The following DNAJC18 variants were observed in gnomAD, a reference collection of about 807,000 sequenced individuals.
The protein encoded by DNAJC18 is DnaJ heat shock protein family (Hsp40) member C18.
Under a neutral mutation model 48.6 loss-of-function variants are expected in DNAJC18, and 40 were observed. The ratio of observed to expected loss-of-function variants is 0.82; its 90% CI spans 0.64 to 1.07. DNAJC18 has a LOEUF of 1.07. Ranked by LOEUF, DNAJC18 falls within the 50% of genes least tolerant of loss-of-function variation. DNAJC18 has a pLI of 0.00. For missense variants in DNAJC18, 340 were observed against 427.7 expected (o/e 0.79, Z 1.81); for synonymous variants, 135 against 152.2 (o/e 0.89, Z 0.83).
chr5:139,437,060 T>G (rs1180672648), intron 2 of DNAJC18, among the ~76,000 whole-genome samples: 1 of 152,224 alleles, frequency 6.6e-6, no homozygotes, highest in Non-Finnish European at 1.5e-5. Context: ...TAAGATATGG[T>G]CTATCCTGGA....
At chr5:139,419,238 G>A (rs576262246) in intron 7 of DNAJC18, 4 of 424,590 alleles carry the variant, frequency 9.4e-6, no homozygotes, top group South Asian at 5.2e-5. Flanking sequence ...TCACTAACGC[G>A]GTATGTGTGT....
intron 2 of DNAJC18, among the ~76,000 whole-genome samples, chr5:139,433,850 T>A (rs1561469855): frequency 6.6e-6 from 1 of 152,228 alleles, no homozygotes; most frequent in Admixed American, 6.5e-5. Context: ...ATTTTCTTAA[T>A]TTTTTGGTAT....
Position 139,410,932 on chromosome 5 carries a change from C to T in DNAJC18, c.*3216G>A, listed in dbSNP as rs1368632638. On this transcript the variant is annotated 3_prime_UTR_variant, in exon 8 of 8. Transcript: ENST00000302060. ...TACAGACACGTGCTACCATGCCCGC[C>T]TAATTTTTGTATTTTTAGTACAGAC... 1.3e-5 allele frequency: 2 copies of T among 152,110 alleles called. No individual in the cohort carries two copies. The highest frequency in any genetic ancestry group is 2.4e-5 in the African/African-American group (1 of 41,416). The allele number at this position is 152,110 out of a possible 1,614,324, so 9.4% of individuals were successfully genotyped here. A position where few individuals can be genotyped will look rare whatever the true frequency, so the allele number is the denominator to read the frequency against.
Position 139,425,133 on chromosome 5 carries a change from G to A in DNAJC18, c.560-19C>T. The A allele has an allele frequency of 6.3e-7, 1 of 1,595,206 alleles. No homozygotes were observed. Among genetic ancestry groups the A allele is most frequent in the South Asian group, 1.1e-5 (1 of 90,730 alleles). On this transcript the variant is annotated intron_variant, in intron 4 of 7. Transcript: ENST00000302060. ...ATATTTCCTGGAAAAGAAATACATG[G>A]TATGGGATATGGCAAACACTCCTTC...
At chr5:139,422,561 C>T (rs1322512428) in intron 6 of DNAJC18, 147 bp downstream of exon 6, 1 of 640,676 alleles carries the variant, frequency 1.6e-6, no homozygotes, top group Admixed American at 3.5e-5. Context: ...GTCTCAGCAC[C>T]ATGACTACCC....
At chr5:139,416,031 G>T (rs1759064572) in intron 7 of DNAJC18, among the ~76,000 whole-genome samples, 1 of 152,092 alleles carries the variant, frequency 6.6e-6, no homozygotes, top group South Asian at 2.1e-4. Flanking sequence ...AACCAGCTCA[G>T]AGACCCCTGC....
chr5:139,426,499 A>C, intron 3 of DNAJC18, 142 bp from the exon 4 acceptor site: 1 of 963,938 alleles, frequency 1.0e-6, no homozygotes, highest in Non-Finnish European at 1.5e-6. Flanking sequence ...TGGGCCTAGA[A>C]AGTTCTCCAC....
At chr5:139,428,425 G>A (rs943854830) in intron 3 of DNAJC18, 113 bp downstream of exon 3, 3 of 1,377,816 alleles carry the variant, frequency 2.2e-6, no homozygotes, top group Non-Finnish European at 2.0e-6. Flanking sequence ...AGGTGTGGCA[G>A]GGGGAAAAAA....
At chr5:139,430,129 A>G (rs1299546482) in intron 2 of DNAJC18, among the ~76,000 whole-genome samples, 3 of 152,212 alleles carry the variant, frequency 2.0e-5, no homozygotes, top group Non-Finnish European at 4.4e-5. Context: ...GAAGACCTCA[A>G]AAGAGCTTTC....
intron 2 of DNAJC18, among the ~76,000 whole-genome samples, chr5:139,435,131 C>T (rs1009358287): frequency 1.3e-5 from 2 of 151,990 alleles, no homozygotes; most frequent in Non-Finnish European, 2.9e-5. Context: ...GAGGCCGAGG[C>T]GGGCAGATCA....
rs773517187 is a variant in DNAJC18 at position 139,420,235 on chromosome 5, GGAGA to G, written c.780-14_780-11del. ...GGTGTAGCCCAAGGTCCTGAAACAA[GGAGA>G]GAGAGGCTCATGTGAGCTCATAATA... is the stretch of plus-strand genomic sequence containing the variant. On this transcript the variant is annotated splice_polypyrimidine_tract_variant and intron_variant, in intron 6 of 7. Transcript: ENST00000302060. The G allele has an allele frequency of 6.3e-7, 1 of 1,599,760 alleles. No individual in the cohort carries two copies. The highest frequency in any genetic ancestry group is 2.3e-5 in the East Asian group (1 of 44,384).
chr5:139,422,766 T>A lies in DNAJC18; in HGVS notation c.721A>T (p.Ile241Leu), dbSNP rs1759174754. 1.1e-5 allele frequency: 17 copies of A among 1,610,946 alleles called. No homozygotes were observed. Among genetic ancestry groups the A allele is most frequent in the Non-Finnish European group, 1.3e-5 (15 of 1,179,154 alleles). Residue 241 changes from isoleucine to leucine, a missense_variant, in exon 6 of 8, where the codon ATA becomes TTA. Ile to Leu is a conservative substitution (Grantham distance 5, BLOSUM62 2). Transcript: ENST00000302060. ...QLLPVLVIVI[I>L]SVITQLLATN... ...GCCAGCAGCTGAGTAATGACAGATA[T>A]AATCACAATCACAAGAACTGGAAGT...
chr5:139,437,674 A>G, intron 1 of DNAJC18, 116 bp from the exon 2 acceptor site: 1 of 1,195,178 alleles, frequency 8.4e-7, no homozygotes, highest in Non-Finnish European at 1.1e-6. Context: ...CATGATGGCC[A>G]GGGCTAGAGG....
chr5:139,418,699 G>T, intron 7 of DNAJC18: 1 of 455,876 alleles, frequency 2.2e-6, no homozygotes, highest in Non-Finnish European at 4.4e-6. Context: ...AGGTCCCTAA[G>T]GGTGAGCTAG....
At chr5:139,415,070 C>T (rs149905011) in intron 7 of DNAJC18, among the ~76,000 whole-genome samples, 14 of 152,284 alleles carry the variant, frequency 9.2e-5, no homozygotes, top group African/African-American at 3.4e-4. Flanking sequence ...TGCGTATTAA[C>T]AGGATGGCAT....
chr5:139,430,213 G>A (rs533061977), intron 2 of DNAJC18, among the ~76,000 whole-genome samples: 121 of 152,318 alleles, frequency 7.9e-4, no homozygotes, highest in African/African-American at 2.9e-3. Flanking sequence ...CAGTGATGAT[G>A]TAATTACATG....
chr5:139,430,235 C>T (rs1759308399), intron 2 of DNAJC18, among the ~76,000 whole-genome samples: 1 of 152,200 alleles, frequency 6.6e-6, no homozygotes, highest in South Asian at 2.1e-4. Flanking sequence ...CATGTAGCCT[C>T]TCAAAAACTC....
rs905271087 is a variant in DNAJC18, at chr5:139,411,528, C to A, written c.*2620G>T. On this transcript the variant is annotated 3_prime_UTR_variant, in exon 8 of 8. Coordinates refer to ENST00000302060, the MANE Select transcript of DNAJC18 (RefSeq NM_152686.4). ...GGAAAAAGCTTATTTTACCACCATGCAGACAACCCATCTAAAATATAACCC... is the reference window on the plus strand; with the variant it reads ...GGAAAAAGCTTATTTTACCACCATGAAGACAACCCATCTAAAATATAACCC... 4 of 152,324 alleles carry A rather than the reference C, an allele frequency of 2.6e-5. No homozygotes were observed. The East Asian group carries it at 7.7e-4, about 29-fold the overall frequency. 9.4% of individuals were successfully genotyped at this position (152,324 alleles called of 1,614,324 possible). A position where few individuals can be genotyped will look rare whatever the true frequency, so the allele number is the denominator to read the frequency against.
chr5:139,430,091 A>C (rs1448022070), intron 2 of DNAJC18, among the ~76,000 whole-genome samples: 2 of 152,196 alleles, frequency 1.3e-5, no homozygotes, highest in Non-Finnish European at 2.9e-5. Context: ...ACTGATATGC[A>C]TGGTACAGGA....
Sources: allele counts gnomAD v4.1 joint callset (sites outside exome capture counted in the v4.1 genomes callset), GRCh38; gene constraint gnomAD v4.1.1; transcripts MANE v1.5; gene names NCBI Gene and HGNC (gene_info 2026-07-23, HGNC 2026-07-21).